Variants in HYCC2 observed in about 807,000 individuals in gnomAD.
HYCC2 encodes the protein hyccin PI4KA lipid kinase complex subunit 2, also known as hyccin 2.
At chr2:201,003,428 G>C in the HYCC2 span, among the ~76,000 whole-genome samples, 1 of 152,122 alleles carries the variant, frequency 6.6e-6, no homozygotes, top group Non-Finnish European at 1.5e-5. Flanking sequence ...AGGCTGCAGT[G>C]AGCTGAGATC....
the HYCC2 span, chr2:200,975,188 A>G: frequency 4.6e-5 from 7 of 152,154 alleles, no homozygotes; most frequent in African/African-American, 1.7e-4. Context: ...GGAATCTTGT[A>G]GCTACTGTAA....
chr2:200,981,322 G>C, the HYCC2 span: 1 of 1,614,090 alleles, frequency 6.2e-7, no homozygotes, highest in Non-Finnish European at 8.5e-7. The surrounding 1 kb of genome is among the most constrained non-coding windows in gnomAD (Gnocchi z 4.5). Context: ...AGACTGCTTG[G>C]TCAAGGGGGC....
the HYCC2 span, chr2:200,981,398 T>C: frequency 8.1e-6 from 13 of 1,614,076 alleles, no homozygotes; most frequent in Non-Finnish European, 1.1e-5. This position sits in a 1 kb window ranked among gnomAD's most constrained non-coding sequence, Gnocchi z 4.5. Flanking sequence ...AGACTGACAG[T>C]TGAGTATCGA....
the HYCC2 span, chr2:200,993,102 G>T: frequency 1.2e-6 from 1 of 829,542 alleles, no homozygotes; most frequent in Non-Finnish European, 2.0e-6. Context: ...CATTCCTCAA[G>T]TATATATTGA....
chr2:201,024,547 A>C, the HYCC2 span, among the ~76,000 whole-genome samples: 9 of 152,190 alleles, frequency 5.9e-5, no homozygotes, highest in East Asian at 1.7e-3. Flanking sequence ...TATTATCCTA[A>C]TGCTTTCATA....
the HYCC2 span, among the ~76,000 whole-genome samples, chr2:201,055,472 C>T: frequency 2.7e-5 from 4 of 149,546 alleles, no homozygotes; most frequent in African/African-American, 9.9e-5. Context: ...GCCGAGGAAG[C>T]CAAATCATTT....
chr2:201,024,543 C>A, the HYCC2 span, among the ~76,000 whole-genome samples: 1 of 151,442 alleles, frequency 6.6e-6, no homozygotes, highest in African/African-American at 2.4e-5. Context: ...AACCTATTAT[C>A]CTAATGCTTT....
At chr2:201,070,837 T>TA in the HYCC2 span, among the ~76,000 whole-genome samples, 1 of 152,116 alleles carries the variant, frequency 6.6e-6, no homozygotes, top group African/African-American at 2.4e-5. Flanking sequence ...TGAAGATCTT[T>TA]AAAAAATGTT....
chr2:201,065,165 CTCTA>C, the HYCC2 span, among the ~76,000 whole-genome samples: 5 of 152,190 alleles, frequency 3.3e-5, no homozygotes, highest in African/African-American at 4.8e-5. Flanking sequence ...CGAATCTGTT[CTCTA>C]TCTCTTTATT....
the HYCC2 span, chr2:201,009,482 CAG>C: frequency 6.3e-6 from 1 of 159,328 alleles, no homozygotes; most frequent in Non-Finnish European, 1.4e-5. Flanking sequence ...TTTTTTGAGA[CAG>C]AGTCTCACTC....
chr2:201,007,916 T>C, the HYCC2 span, among the ~76,000 whole-genome samples: 1 of 152,262 alleles, frequency 6.6e-6, no homozygotes, highest in Non-Finnish European at 1.5e-5. Context: ...CATGCATTGA[T>C]GCCAGGAGGG....
chr2:200,981,431 T>C, the HYCC2 span: 6 of 1,614,050 alleles, frequency 3.7e-6, no homozygotes, highest in Non-Finnish European at 4.2e-6. The surrounding 1 kb of genome is among the most constrained non-coding windows in gnomAD (Gnocchi z 4.5). Context: ...GCTGCTAAAT[T>C]AGTACCTCCC....
At chr2:201,001,256 T>TA in the HYCC2 span, among the ~76,000 whole-genome samples, 1 of 152,142 alleles carries the variant, frequency 6.6e-6, no homozygotes, top group East Asian at 1.9e-4. Context: ...TATGAGCCCT[T>TA]ACTAGACACT....
the HYCC2 span, among the ~76,000 whole-genome samples, chr2:201,038,709 A>G: frequency 2.6e-5 from 4 of 151,894 alleles, no homozygotes; most frequent in Non-Finnish European, 5.9e-5. Flanking sequence ...ACACATCGAC[A>G]CAGGAAGGGG....
At chr2:201,054,048 A>C in the HYCC2 span, among the ~76,000 whole-genome samples, 2 of 152,324 alleles carry the variant, frequency 1.3e-5, no homozygotes, top group East Asian at 3.9e-4. Context: ...TGTCCATAAA[A>C]GACTCTGAAA....
chr2:200,986,014 G>A, the HYCC2 span, among the ~76,000 whole-genome samples: 94 of 152,218 alleles, frequency 6.2e-4, no homozygotes, highest in African/African-American at 2.2e-3. Flanking sequence ...ATTCAGGAAT[G>A]TTCAGTTTAG....
the HYCC2 span, chr2:201,021,960 TA>T: frequency 1.7e-6 from 1 of 583,992 alleles, no homozygotes; most frequent in Non-Finnish European, 2.9e-6. Context: ...AGTCACAATT[TA>T]GGAGACAGGA....
chr2:201,051,395 T>C, the HYCC2 span, among the ~76,000 whole-genome samples: 2 of 151,774 alleles, frequency 1.3e-5, no homozygotes, highest in African/African-American at 4.8e-5. Flanking sequence ...ACAAAAAGAA[T>C]AAGGACTGGA....
At chr2:201,014,297 C>T in the HYCC2 span, among the ~76,000 whole-genome samples, 1 of 138,696 alleles carries the variant, frequency 7.2e-6, no homozygotes, top group South Asian at 2.5e-4. Flanking sequence ...TAAGTATCTG[C>T]TGGTAAGCAC....
Sources: allele counts gnomAD v4.1 joint callset (sites outside exome capture counted in the v4.1 genomes callset), GRCh38; gene constraint gnomAD v4.1.1; non-coding constraint Gnocchi (gnomAD v3.1); transcripts MANE v1.5; gene names NCBI Gene and HGNC (gene_info 2026-07-23, HGNC 2026-07-21).